CDC42BPA: variants seen among roughly 807,000 people sequenced by gnomAD.
CDC42BPA encodes the protein serine/threonine-protein kinase MRCK alpha.
In CDC42BPA, 80 loss-of-function variants were observed where a neutral mutation model predicts 223.5. That is an observed-to-expected ratio of 0.36 (90% confidence interval 0.30 to 0.43). The LOEUF (loss-of-function observed/expected upper bound fraction) is 0.43. CDC42BPA is among the 20% of genes least tolerant of loss of function. The pLI, the probability that CDC42BPA is intolerant of heterozygous loss-of-function variation, is 1.00. For missense variants in CDC42BPA, 1,743 were observed against 2,099.9 expected, an observed-to-expected ratio of 0.83 and a Z score of 3.32; for synonymous variants, 694 against 718.6, an observed-to-expected ratio of 0.97 and a Z score of 0.55.
intron 10 of CDC42BPA, among the ~76,000 whole-genome samples, chr1:227,131,110 T>C (rs1035716692): frequency 6.6e-6 from 1 of 152,098 alleles, no homozygotes. Context: ...TTCTTTCCAT[T>C]ACTACTCTTC....
intron 5 of CDC42BPA, among the ~76,000 whole-genome samples, chr1:227,180,206 AAATCAATC>A (rs201108821): frequency 1.3e-5 from 2 of 152,114 alleles, no homozygotes; most frequent in African/African-American, 2.4e-5. Flanking sequence ...ATTCCGTCAT[AAATCAATC>A]AATCAATCAA....
At chr1:227,238,962 G>A (rs2813951) in intron 2 of CDC42BPA, among the ~76,000 whole-genome samples, 2 of 152,034 alleles carry the variant, frequency 1.3e-5, no homozygotes, top group South Asian at 4.1e-4. Flanking sequence ...CTTAATGACT[G>A]CATCAACCGT....
intron 21 of CDC42BPA, among the ~76,000 whole-genome samples, chr1:227,053,666 A>G (rs1366237192): frequency 5.3e-5 from 8 of 152,176 alleles, no homozygotes; most frequent in Non-Finnish European, 1.0e-4. Context: ...TAATTTACTC[A>G]AAGTAATTTA....
chr1:227,035,336 T>C (rs937403616), intron 25 of CDC42BPA, 135 bp downstream of exon 25: 4 of 650,090 alleles, frequency 6.2e-6, no homozygotes, highest in South Asian at 4.5e-5. Context: ...TTATTCTAGA[T>C]GAAATAAAAT....
In CDC42BPA at chr1:227,082,714, C is replaced by CAAAAAAA. The variant is rs71574595; in HGVS notation, c.2356-1704_2356-1698dup. ...TGGGTGACAGAATGAGACTCTGTCT[C>CAAAAAAA]AAAAAAAAAAAAAAAAAAAAAAAAA... On this transcript the variant is annotated intron_variant, in intron 16 of 36. Transcript: ENST00000366766. Among the ~76,000 whole-genome samples, 32 of 59,520 alleles carry CAAAAAAA rather than the reference C, an allele frequency of 5.4e-4. 1 individual carries two copies. Among genetic ancestry groups the CAAAAAAA allele is most frequent in the African/African-American group, 2.0e-3 (28 of 14,242 alleles). The allele number at this position is 59,520 out of a possible 152,430, so 39.0% of individuals were successfully genotyped here.
At chr1:227,218,317 T>C (rs940255718) in intron 2 of CDC42BPA, among the ~76,000 whole-genome samples, 2 of 152,252 alleles carry the variant, frequency 1.3e-5, no homozygotes, top group African/African-American at 2.4e-5. Flanking sequence ...GCCTTTAATA[T>C]CTTTTGTCTG....
chr1:227,258,176 GAAA>G (rs60156840), intron 1 of CDC42BPA, among the ~76,000 whole-genome samples: 1 of 108,108 alleles, frequency 9.3e-6, no homozygotes. Context: ...CCCTGTCCGG[GAAA>G]AAAAAAAAAA....
chr1:227,090,761 A>C (rs976707219), intron 16 of CDC42BPA, among the ~76,000 whole-genome samples: 3 of 152,184 alleles, frequency 2.0e-5, no homozygotes, highest in African/African-American at 7.2e-5. Flanking sequence ...CAGTGAGACG[A>C]GATTGCACCA....
intron 1 of CDC42BPA, among the ~76,000 whole-genome samples, chr1:227,297,320 T>C (rs1222261545): frequency 2.0e-5 from 3 of 152,198 alleles, no homozygotes; most frequent in Middle Eastern, 3.2e-3. Context: ...AACTCAACCT[T>C]CATACATTGC....
At chr1:227,106,352 T>C (rs1444378349) in intron 14 of CDC42BPA, among the ~76,000 whole-genome samples, 1 of 152,318 alleles carries the variant, frequency 6.6e-6, no homozygotes, top group Admixed American at 6.5e-5. Context: ...TTATCACATA[T>C]ATGATTTGCA....
intron 29 of CDC42BPA, 79 bp from the exon 30 acceptor site, chr1:227,029,329 G>A: frequency 2.1e-6 from 2 of 932,436 alleles, no homozygotes; most frequent in Non-Finnish European, 1.6e-6. Flanking sequence ...AAGGATGTAA[G>A]TCAACTTACA....
intron 2 of CDC42BPA, among the ~76,000 whole-genome samples, chr1:227,220,677 T>TC (rs34522783): frequency 0.31 from 47,482 of 151,874 alleles, 7,622 homozygotes; most frequent in East Asian, 0.37. Context: ...TTTTTGCGCT[T>TC]CATACCTCTT....
At position 227,317,660 on chromosome 1, in the gene CDC42BPA, G is replaced by GAA; in HGVS notation, c.-480_-479dup. On this transcript the variant is annotated 5_prime_UTR_variant, in exon 1 of 37. The change creates a premature stop within an existing upstream ORF in the 5' untranslated region. Coordinates refer to ENST00000366766, the MANE Select transcript of CDC42BPA (RefSeq NM_001394014.1). ...GGAAGAAGAAAAACAGAAAAGGGAG[G>GAA]AAAAAAACAGAATGCATAGAAGGGG... The GAA allele has an allele frequency of 2.5e-6, 1 of 398,310 alleles. No homozygotes were observed. The highest frequency in any genetic ancestry group is 4.4e-5 in the Admixed American group (1 of 22,702). 24.7% of individuals were successfully genotyped at this position (398,310 alleles called of 1,614,324 possible).
intron 8 of CDC42BPA, among the ~76,000 whole-genome samples, chr1:227,145,121 A>G (rs990673309): frequency 7.2e-5 from 11 of 152,096 alleles, no homozygotes; most frequent in African/African-American, 2.4e-4. Context: ...GACATGGTTG[A>G]TTTTGATAAT....
chr1:227,311,262 G>A (rs545718214), intron 1 of CDC42BPA, among the ~76,000 whole-genome samples: 1 of 136,578 alleles, frequency 7.3e-6, no homozygotes, highest in African/African-American at 2.8e-5. Context: ...TTGGTAAGCT[G>A]AGACAGGAGG....
intron 5 of CDC42BPA, among the ~76,000 whole-genome samples, chr1:227,186,236 C>G (rs1255027382): frequency 6.6e-6 from 1 of 152,192 alleles, no homozygotes; most frequent in Non-Finnish European, 1.5e-5. Context: ...AGAGCTCAAC[C>G]AGGTCCTCAT....
intron 2 of CDC42BPA, among the ~76,000 whole-genome samples, chr1:227,248,232 T>C (rs574618129): frequency 2.0e-5 from 3 of 152,294 alleles, no homozygotes; most frequent in East Asian, 1.9e-4. Context: ...AAGTACAGCA[T>C]AGTTCTTTAA....
chr1:227,315,431 T>C (rs1694215199), intron 1 of CDC42BPA, among the ~76,000 whole-genome samples: 1 of 152,038 alleles, frequency 6.6e-6, no homozygotes, highest in Non-Finnish European at 1.5e-5. Flanking sequence ...TAAAATTATA[T>C]TTACTACTGG....
In CDC42BPA at chr1:227,302,783, A is replaced by G. The variant is rs142695798; in HGVS notation, c.178+14222T>C. Among the ~76,000 whole-genome samples, 3 of 151,364 alleles carry G rather than the reference A, an allele frequency of 2.0e-5. No homozygotes were observed. In the East Asian group the frequency reaches 5.8e-4, roughly 29 times the overall value. ...TTCAGGCCTCCTCAATTGGTCCTCT[A>G]ATTTTCTCCTCTATCTCCTCTTTTC... On this transcript the variant is annotated intron_variant, in intron 1 of 36. Transcript: ENST00000366766.
Sources: gnomAD v4.1 joint callset for allele counts (sites outside exome capture counted in the v4.1 genomes callset) on GRCh38, gnomAD v4.1.1 for gene constraint, MANE v1.5 for transcripts, NCBI Gene and HGNC (gene_info 2026-07-23, HGNC 2026-07-21) for gene names.